The following AKR1C8 variants were observed in gnomAD, a reference collection of about 807,000 sequenced individuals.
AKR1C8 encodes aldo-keto reductase family 1 member C8.
At chr10:5,137,177 G>A in the AKR1C8 span, among the ~76,000 whole-genome samples, 464 of 152,188 alleles carry the variant, frequency 3.0e-3, 2 homozygotes, top group African/African-American at 0.01. Context: ...TTCCCTCACT[G>A]GGAGTCCATT....
At chr10:5,174,067 T>A in the AKR1C8 span, among the ~76,000 whole-genome samples, 80,008 of 151,634 alleles carry the variant, frequency 0.53, 22,089 homozygotes, top group Non-Finnish European at 0.6. Context: ...AGAATTAGAG[T>A]CAGATAAATC....
At chr10:5,179,441 C>G in the AKR1C8 span, among the ~76,000 whole-genome samples, 1 of 152,206 alleles carries the variant, frequency 6.6e-6, no homozygotes, top group East Asian at 1.9e-4. Context: ...TTTGGTGAAT[C>G]TGACAATTAT....
At chr10:5,121,069 T>C in the AKR1C8 span, among the ~76,000 whole-genome samples, 3 of 150,760 alleles carry the variant, frequency 2.0e-5, no homozygotes, top group African/African-American at 7.2e-5. Flanking sequence ...TAAAACGACA[T>C]AGAGGCTTTT....
chr10:5,129,412 G>T, the AKR1C8 span, among the ~76,000 whole-genome samples: 150 of 151,882 alleles, frequency 9.9e-4, no homozygotes, highest in African/African-American at 3.3e-3. Context: ...CTGAAGAAAA[G>T]AAATAATATC....
At chr10:5,175,644 C>T in the AKR1C8 span, among the ~76,000 whole-genome samples, 5 of 152,160 alleles carry the variant, frequency 3.3e-5, no homozygotes, top group African/African-American at 7.2e-5. Context: ...CCTGTTGTTT[C>T]CTGACTTTTT....
At chr10:5,185,068 GCCTCA>G in the AKR1C8 span, 1 of 534,628 alleles carries the variant, frequency 1.9e-6, no homozygotes, top group African/African-American at 1.9e-5. Flanking sequence ...CCATCATTCA[GCCTCA>G]CTGAATGGCT....
the AKR1C8 span, chr10:5,123,259 C>A: frequency 4.8e-6 from 1 of 207,798 alleles, no homozygotes; most frequent in Non-Finnish European, 1.1e-5. Flanking sequence ...TCCTAATGCC[C>A]ACCCAACGCC....
chr10:5,163,791 G>T, the AKR1C8 span, among the ~76,000 whole-genome samples: 4 of 152,070 alleles, frequency 2.6e-5, no homozygotes, highest in East Asian at 7.7e-4. Context: ...TTATGCCTAA[G>T]ACATACCAAC....
At chr10:5,124,580 A>C in the AKR1C8 span, among the ~76,000 whole-genome samples, 5 of 152,198 alleles carry the variant, frequency 3.3e-5, no homozygotes, top group African/African-American at 1.2e-4. Flanking sequence ...ATAATAAAAT[A>C]ATAACACAAT....
chr10:5,146,201 G>A, the AKR1C8 span, among the ~76,000 whole-genome samples: 2 of 126,704 alleles, frequency 1.6e-5, no homozygotes, highest in Non-Finnish European at 3.3e-5. Context: ...GACTGTTGTG[G>A]GGTGGGGGGA....
chr10:5,131,125 C>A, the AKR1C8 span, among the ~76,000 whole-genome samples: 175 of 152,016 alleles, frequency 1.2e-3, no homozygotes, highest in Non-Finnish European at 1.9e-3. Context: ...AACTGGTAAG[C>A]CACATGTAGA....
the AKR1C8 span, among the ~76,000 whole-genome samples, chr10:5,143,588 A>G: frequency 2.6e-5 from 4 of 152,032 alleles, no homozygotes; most frequent in African/African-American, 9.7e-5. Flanking sequence ...ATTCCTGTTC[A>G]TACATAAAAT....
the AKR1C8 span, among the ~76,000 whole-genome samples, chr10:5,116,572 C>A: frequency 1.3e-5 from 2 of 152,168 alleles, no homozygotes; most frequent in African/African-American, 4.8e-5. Context: ...GCACTGTCAC[C>A]AACTTTCTAA....
At chr10:5,121,291 G>T in the AKR1C8 span, among the ~76,000 whole-genome samples, 2 of 152,130 alleles carry the variant, frequency 1.3e-5, no homozygotes, top group Non-Finnish European at 1.5e-5. Context: ...CCCCAGAGAT[G>T]GGCTTCAGAT....
At chr10:5,149,114 GA>G in the AKR1C8 span, among the ~76,000 whole-genome samples, 2 of 151,924 alleles carry the variant, frequency 1.3e-5, no homozygotes, top group East Asian at 1.9e-4. Context: ...GAAAGTAGTA[GA>G]AAAAAATGAA....
chr10:5,132,515 C>T, the AKR1C8 span: 467,778 of 1,209,786 alleles, frequency 0.39, 96,177 homozygotes, highest in Non-Finnish European at 0.41. Flanking sequence ...GCACAATTCA[C>T]CCACCTACAG....
At chr10:5,147,791 G>C in the AKR1C8 span, among the ~76,000 whole-genome samples, 1 of 152,218 alleles carries the variant, frequency 6.6e-6, no homozygotes, top group Non-Finnish European at 1.5e-5. Flanking sequence ...TTTCCAGGCA[G>C]AAGTTTCAAG....
chr10:5,147,325 T>A, the AKR1C8 span, among the ~76,000 whole-genome samples: 1 of 152,044 alleles, frequency 6.6e-6, no homozygotes, highest in East Asian at 1.9e-4. Flanking sequence ...ACTCAGCATA[T>A]GGTTTAGAGG....
At chr10:5,154,496 T>C in the AKR1C8 span, 3 of 264,794 alleles carry the variant, frequency 1.1e-5, no homozygotes, top group Non-Finnish European at 2.2e-5. Flanking sequence ...CATTAAAGAG[T>C]ACCTTCTAAG....
Sources: gnomAD v4.1 joint callset for allele counts (sites outside exome capture counted in the v4.1 genomes callset) on GRCh38, gnomAD v4.1.1 for gene constraint, MANE v1.5 for transcripts, NCBI Gene and HGNC (gene_info 2026-07-23, HGNC 2026-07-21) for gene names.